Variants in RYR2 observed in about 807,000 individuals in gnomAD.
RYR2 encodes ryanodine receptor 2.
In RYR2, 227 loss-of-function variants were observed where a neutral mutation model predicts 601.1. The observed-to-expected ratio is 0.38, with a 90% CI of 0.34 to 0.42. RYR2 has a LOEUF of 0.42. Ranked by LOEUF, RYR2 falls within the 10% of genes least tolerant of loss-of-function variation. RYR2 has a pLI of 1.00. For synonymous variants in RYR2, 2,223 were observed against 2,175.1 expected (o/e 1.02, Z -0.61); for missense variants, 4,646 against 6,156.5 (o/e 0.75, Z 8.21).
intron 17 of RYR2, among the ~76,000 whole-genome samples, chr1:237,487,877 T>A (rs2026287): frequency 6.6e-6 from 1 of 151,362 alleles, no homozygotes; most frequent in Non-Finnish European, 1.5e-5. Flanking sequence ...AATTAGAAGC[T>A]GTCAATGTTT....
At chr1:237,178,634 C>A (rs1678350275) in intron 1 of RYR2, among the ~76,000 whole-genome samples, 2 of 151,978 alleles carry the variant, frequency 1.3e-5, no homozygotes, top group South Asian at 4.2e-4. Context: ...TAGTGATACC[C>A]TGTCTCTACA....
chr1:237,810,804 T>C (rs1044034986), intron 100 of RYR2, among the ~76,000 whole-genome samples: 2 of 130,386 alleles, frequency 1.5e-5, no homozygotes, highest in African/African-American at 5.5e-5. Context: ...GAGAGATATA[T>C]AAATTACATT....
chr1:237,720,268 C>A (rs922867745), intron 73 of RYR2, among the ~76,000 whole-genome samples: 1 of 152,034 alleles, frequency 6.6e-6, no homozygotes, highest in Non-Finnish European at 1.5e-5. Flanking sequence ...AAAGTAGCAA[C>A]AACAATATAA....
intron 25 of RYR2, among the ~76,000 whole-genome samples, chr1:237,545,007 A>G (rs1669650791): frequency 6.6e-6 from 1 of 152,226 alleles, no homozygotes; most frequent in African/African-American, 2.4e-5. Flanking sequence ...GGATGGGATT[A>G]TTAGCCATTT....
chr1:237,294,846 A>G (rs1012008085), intron 2 of RYR2, among the ~76,000 whole-genome samples: 12 of 152,170 alleles, frequency 7.9e-5, no homozygotes, highest in Non-Finnish European at 1.8e-4. Context: ...GAGTTATTGA[A>G]ATAATATTAA....
At chr1:237,767,173 C>G (rs1019998803) in intron 84 of RYR2, among the ~76,000 whole-genome samples, 1 of 152,160 alleles carries the variant, frequency 6.6e-6, no homozygotes, top group African/African-American at 2.4e-5. Flanking sequence ...AGTCATATAT[C>G]TAGCAATGGT....
At chr1:237,328,217 G>A (rs543604993) in intron 2 of RYR2, among the ~76,000 whole-genome samples, 1 of 152,092 alleles carries the variant, frequency 6.6e-6, no homozygotes, top group East Asian at 1.9e-4. Flanking sequence ...CAGTGCCAAA[G>A]TATAAGCCCT....
chr1:237,754,644 G>C (rs1692796794), intron 80 of RYR2, among the ~76,000 whole-genome samples: 1 of 152,172 alleles, frequency 6.6e-6, no homozygotes, highest in Non-Finnish European at 1.5e-5. Flanking sequence ...AAAAGGAGCT[G>C]GTTAAGCTTT....
intron 78 of RYR2, among the ~76,000 whole-genome samples, chr1:237,732,597 G>A (rs1018358991): frequency 6.6e-6 from 1 of 152,142 alleles, no homozygotes; most frequent in Non-Finnish European, 1.5e-5. Context: ...CAACTTGGAG[G>A]TATCTCTGAG....
chr1:237,375,796 A>C (rs1308126803), intron 7 of RYR2, among the ~76,000 whole-genome samples: 1 of 152,174 alleles, frequency 6.6e-6, no homozygotes, highest in Non-Finnish European at 1.5e-5. Context: ...ATTTCAGCAC[A>C]CAGTTAAATG....
chr1:237,401,562 A>T (rs146767305), intron 10 of RYR2, among the ~76,000 whole-genome samples: 3 of 151,894 alleles, frequency 2.0e-5, no homozygotes, highest in African/African-American at 7.3e-5. Flanking sequence ...AGGGTCCTGA[A>T]TGCAGAGCTT....
In RYR2 at chr1:237,784,040, C is replaced by T; in HGVS notation, c.12328C>T (p.Pro4110Ser). 6.2e-7 allele frequency: 1 copy of T among 1,614,014 alleles called. No homozygotes were observed. The highest frequency in any genetic ancestry group is 8.5e-7 in the Non-Finnish European group (1 of 1,179,890). The change falls in exon 90 of 105, where the codon CCC (proline) becomes TCC (serine). Residue 4110 changes from proline (P) to serine (S), a missense_variant. Transcript: ENST00000366574. The surrounding 1 kb of genome is among the most constrained non-coding windows in gnomAD (Gnocchi z 7.1). ...TCTGACAAACCTCTCTGAGCACATG[C>T]CCAACGATACCCGACTTCAGACTTT... is the stretch of plus-strand genomic sequence containing the variant. The part of the protein sequence containing the change: ...VLLTNLSEHM[P>S]NDTRLQTFLE...
intron 101 of RYR2, among the ~76,000 whole-genome samples, chr1:237,822,389 G>A (rs1376324824): frequency 6.6e-6 from 1 of 152,136 alleles, no homozygotes; most frequent in Non-Finnish European, 1.5e-5. Context: ...ATTCTTAAAG[G>A]AAAGAATATT....
chr1:237,701,253 G>A (rs540736132), intron 65 of RYR2, among the ~76,000 whole-genome samples: 24 of 152,184 alleles, frequency 1.6e-4, no homozygotes, highest in Non-Finnish European at 2.5e-4. Context: ...TGCTTAGTCC[G>A]GGTGCAGTGG....
At chr1:237,332,223 G>A (rs916321529) in intron 3 of RYR2, among the ~76,000 whole-genome samples, 24 of 152,162 alleles carry the variant, frequency 1.6e-4, no homozygotes, top group Middle Eastern at 3.4e-3. Flanking sequence ...CATCAGCCTT[G>A]TAGTTTTTAA....
intron 24 of RYR2, among the ~76,000 whole-genome samples, chr1:237,519,926 G>A (rs78039794): frequency 1.1e-5 from 1 of 89,048 alleles, no homozygotes; most frequent in African/African-American, 3.2e-5. Flanking sequence ...GGCTGTTTTT[G>A]TGTTTGTTTG....
At chr1:237,368,601 C>T (rs1420352534) in intron 5 of RYR2, among the ~76,000 whole-genome samples, 2 of 152,104 alleles carry the variant, frequency 1.3e-5, no homozygotes, top group Admixed American at 1.3e-4. Flanking sequence ...CCCAGACCTA[C>T]TGAATCAAAA....
In RYR2 at chr1:237,590,781, ACGGTG is replaced by A; in HGVS notation, c.3950_3954del (p.Thr1317SerfsTer15). The A allele has an allele frequency of 6.2e-7, 1 of 1,613,896 alleles. No individual in the cohort carries two copies. On this transcript the variant is annotated frameshift_variant, in exon 31 of 105. Coordinates refer to ENST00000366574, the MANE Select transcript of RYR2 (RefSeq NM_001035.3). LOFTEE classifies it high-confidence loss of function. ...CGAGTGCGCGGAGGTCTTCTCCAAG[ACGGTG>A]GCTGGAGGGCTCCCTGGGGCTGGCC...
chr1:237,417,871 A>G (rs946568117), intron 11 of RYR2, among the ~76,000 whole-genome samples: 23 of 152,278 alleles, frequency 1.5e-4, no homozygotes, highest in African/African-American at 5.5e-4. Flanking sequence ...GCCTAAAAGC[A>G]GTAAATTTTC....
Sources: allele counts gnomAD v4.1 joint callset (sites outside exome capture counted in the v4.1 genomes callset), GRCh38; gene constraint gnomAD v4.1.1; non-coding constraint Gnocchi (gnomAD v3.1); transcripts MANE v1.5; gene names NCBI Gene and HGNC (gene_info 2026-07-23, HGNC 2026-07-21).